Variants in CAMKMT observed in about 807,000 individuals in gnomAD.
CAMKMT encodes the protein CaM KMT.
CAMKMT carries 53 observed loss-of-function variants against 48.0 expected under a neutral mutation model. The observed-to-expected ratio is 1.10, with a 90% CI of 0.89 to 1.39. The LOEUF (loss-of-function observed/expected upper bound fraction) is 1.39. Among genes scored for constraint, CAMKMT ranks in the 40% most tolerant of loss-of-function variants. The probability of loss-of-function intolerance (pLI) is 0.00; values close to 1 mark genes in which losing one functional copy is unlikely to be tolerated. For synonymous variants in CAMKMT, 165 were observed against 152.3 expected (o/e 1.08, Z -0.61); for missense variants, 428 against 402.7 (o/e 1.06, Z -0.54).
chr2:44,701,012 G>T (rs926316008), intron 3 of CAMKMT, among the ~76,000 whole-genome samples: 3 of 152,156 alleles, frequency 2.0e-5, no homozygotes, highest in African/African-American at 2.4e-5. Context: ...TTGTATGGAC[G>T]TACCACATTT....
At chr2:44,626,030 C>T (rs1672460899) in intron 3 of CAMKMT, among the ~76,000 whole-genome samples, 1 of 152,096 alleles carries the variant, frequency 6.6e-6, no homozygotes, top group African/African-American at 2.4e-5. Flanking sequence ...ATCAGGTTGG[C>T]AATCTCTAAA....
At chr2:44,374,853 A>G (rs1353870263) in intron 2 of CAMKMT, among the ~76,000 whole-genome samples, 1 of 152,098 alleles carries the variant, frequency 6.6e-6, no homozygotes, top group African/African-American at 2.4e-5. Context: ...ACTAGTTAGT[A>G]TCTGTCCACA....
At chr2:44,697,951 G>A (rs1573103527) in intron 3 of CAMKMT, among the ~76,000 whole-genome samples, 2 of 152,144 alleles carry the variant, frequency 1.3e-5, no homozygotes, top group Non-Finnish European at 2.9e-5. Flanking sequence ...AAATACTGGG[G>A]AAAGGGGCTT....
intron 3 of CAMKMT, among the ~76,000 whole-genome samples, chr2:44,446,194 C>T (rs1666987153): frequency 6.6e-6 from 1 of 152,018 alleles, no homozygotes; most frequent in Non-Finnish European, 1.5e-5. Flanking sequence ...GTGATCGGCT[C>T]ACCTTGGCCT....
At chr2:44,510,631 T>G (rs1670492171) in intron 3 of CAMKMT, among the ~76,000 whole-genome samples, 1 of 152,240 alleles carries the variant, frequency 6.6e-6, no homozygotes, top group African/African-American at 2.4e-5. Context: ...TACATTCCAC[T>G]GATTCCATCG....
intron 3 of CAMKMT, among the ~76,000 whole-genome samples, chr2:44,398,208 G>A (rs2104437628): frequency 6.6e-6 from 1 of 152,288 alleles, no homozygotes; most frequent in Admixed American, 6.5e-5. Context: ...AGATTTAGTA[G>A]GTGGTGGCAC....
Position 44,716,462 on chromosome 2 carries a change from T to C in CAMKMT, c.623+1109T>C, listed in dbSNP as rs376589741. ...GAATAGCAATAATTTTTTTCTCTTA[T>C]ATTAATTGGTGAATGTAATGAAGTG... On this transcript the variant is annotated intron_variant, in intron 7 of 10. Transcript: ENST00000378494. Among the ~76,000 whole-genome samples the C allele has an allele frequency of 5.9e-5, 9 of 152,254 alleles. No homozygotes were observed. The East Asian group carries it at 9.6e-4, about 16-fold the overall frequency.
In CAMKMT at chr2:44,430,144, C is replaced by T. The variant is rs570138250; in HGVS notation, c.376+39839C>T. Among the ~76,000 whole-genome samples the T allele has an allele frequency of 1.4e-4, 22 of 152,010 alleles. No individual in the cohort carries two copies. The South Asian group carries it at 4.0e-3, about 27-fold the overall frequency. The stretch of plus-strand genomic sequence containing the variant: ...AAGTATTCCATGTAAAACAGTGGTA[C>T]TCTTGGTGGAAGCTAAAGAATAACC... On this transcript the variant is annotated intron_variant, in intron 3 of 10. Coordinates refer to ENST00000378494, the MANE Select transcript of CAMKMT (RefSeq NM_024766.5).
chr2:44,716,921 C>T (rs1431254190), intron 7 of CAMKMT, among the ~76,000 whole-genome samples: 2 of 152,138 alleles, frequency 1.3e-5, no homozygotes. Flanking sequence ...ATGTTGTTTA[C>T]TGGGTGTTAA....
At chr2:44,599,698 C>T (rs1405192561) in intron 3 of CAMKMT, among the ~76,000 whole-genome samples, 1 of 151,816 alleles carries the variant, frequency 6.6e-6, no homozygotes, top group African/African-American at 2.4e-5. Context: ...GGCTTAGATT[C>T]CACAAACATT....
chr2:44,621,923 T>TGGC (rs1672217459), intron 3 of CAMKMT, among the ~76,000 whole-genome samples: 1 of 152,198 alleles, frequency 6.6e-6, no homozygotes, highest in South Asian at 2.1e-4. Flanking sequence ...ATTGTGGTGG[T>TGGC]GGCAATAGTA....
chr2:44,523,969 G>A (rs1004788775), intron 3 of CAMKMT, among the ~76,000 whole-genome samples: 2 of 151,464 alleles, frequency 1.3e-5, no homozygotes, highest in Admixed American at 1.3e-4. Flanking sequence ...TAGAGATGGG[G>A]TTTCATCATG....
chr2:44,736,663 A>T (rs908651612), intron 7 of CAMKMT, among the ~76,000 whole-genome samples: 4 of 152,164 alleles, frequency 2.6e-5, no homozygotes, highest in African/African-American at 9.7e-5. Context: ...ACCACTTAAA[A>T]TTGTCCCACA....
intron 3 of CAMKMT, among the ~76,000 whole-genome samples, chr2:44,397,570 G>T (rs1237872023): frequency 1.3e-5 from 2 of 152,142 alleles, no homozygotes; most frequent in Non-Finnish European, 2.9e-5. Context: ...TGTCAGGACG[G>T]TTTTTTCTTT....
In CAMKMT at chr2:44,531,566, T is replaced by A. The variant is rs72790058; in HGVS notation, c.376+141261T>A. 3.2e-3 allele frequency among the ~76,000 whole-genome samples: 493 copies of A among 152,312 alleles called. 1 individual carries two copies. The highest frequency in any genetic ancestry group is 6.8e-3 in the Middle Eastern group (2 of 294). On this transcript the variant is annotated intron_variant, in intron 3 of 10. Transcript: ENST00000378494. ...TCAGCGGCCATAGGGTTATTAGTCATGGGAGCCAATACTTTGTTCTGGTCA... is the reference window on the plus strand; with the variant it reads ...TCAGCGGCCATAGGGTTATTAGTCAAGGGAGCCAATACTTTGTTCTGGTCA...
intron 3 of CAMKMT, among the ~76,000 whole-genome samples, chr2:44,601,680 C>T (rs1215209850): frequency 6.6e-6 from 1 of 151,734 alleles, no homozygotes; most frequent in Non-Finnish European, 1.5e-5. Flanking sequence ...CTCTAAATTC[C>T]ATTCATTATT....
intron 3 of CAMKMT, among the ~76,000 whole-genome samples, chr2:44,628,268 C>G (rs1449635676): frequency 6.6e-6 from 1 of 152,122 alleles, no homozygotes; most frequent in Non-Finnish European, 1.5e-5. Flanking sequence ...TTTCATCTCT[C>G]TTTTTCTTCT....
intron 7 of CAMKMT, among the ~76,000 whole-genome samples, chr2:44,718,274 A>G (rs1317537866): frequency 6.6e-6 from 1 of 152,126 alleles, no homozygotes; most frequent in Admixed American, 6.6e-5. Context: ...TCATAGTCTG[A>G]TTGTAGCTAA....
chr2:44,543,909 C>G (rs1015591551), intron 3 of CAMKMT, among the ~76,000 whole-genome samples: 3 of 151,992 alleles, frequency 2.0e-5, no homozygotes, highest in East Asian at 3.9e-4. Flanking sequence ...GTAGGATAAC[C>G]TGGTCGAGTT....
Sources: gnomAD v4.1 joint callset for allele counts (sites outside exome capture counted in the v4.1 genomes callset) on GRCh38, gnomAD v4.1.1 for gene constraint, MANE v1.5 for transcripts, NCBI Gene and HGNC (gene_info 2026-07-23, HGNC 2026-07-21) for gene names.